Variants in ASAH2 observed in about 807,000 individuals in gnomAD.
ASAH2 encodes the protein neutral ceramidase.
ASAH2 carries 58 observed loss-of-function variants against 82.9 expected under a neutral mutation model. That is an observed-to-expected ratio of 0.70 (90% CI 0.57 to 0.87). The LOEUF is 0.87. Among genes scored for constraint, ASAH2 ranks in the 40% least tolerant of loss-of-function variants. The pLI is 0.00. For missense variants in ASAH2, 779 were observed against 834.0 expected (o/e 0.93, Z 0.81); for synonymous variants, 276 against 289.7 (o/e 0.95, Z 0.48).
intron 1 of ASAH2, among the ~76,000 whole-genome samples, chr10:50,250,073 T>G (rs1846576608): frequency 6.6e-6 from 1 of 152,346 alleles, no homozygotes; most frequent in South Asian, 2.1e-4. Context: ...AAATTTCAAA[T>G]TATCTCCTAA....
chr10:50,248,771 T>C (rs1302609775), intron 1 of ASAH2, among the ~76,000 whole-genome samples, 125 bp from the exon 2 acceptor site: 2 of 152,200 alleles, frequency 1.3e-5, no homozygotes, highest in East Asian at 3.8e-4. Flanking sequence ...TTACCACTCA[T>C]TCCATAGACC....
At chr10:50,235,672 T>G (rs1379125645) in intron 5 of ASAH2, among the ~76,000 whole-genome samples, 1 of 152,136 alleles carries the variant, frequency 6.6e-6, no homozygotes, top group African/African-American at 2.4e-5. Flanking sequence ...CTTAGTCCCA[T>G]AGAAGCCTTC....
At chr10:50,215,328 C>A (rs1211034324) in intron 8 of ASAH2, among the ~76,000 whole-genome samples, 2 of 144,752 alleles carry the variant, frequency 1.4e-5, no homozygotes, top group Non-Finnish European at 3.0e-5. Context: ...ATAGGGGATC[C>A]TTTGTTGCTA....
At chr10:50,249,344 A>G (rs1287541682) in intron 1 of ASAH2, among the ~76,000 whole-genome samples, 1 of 152,248 alleles carries the variant, frequency 6.6e-6, no homozygotes, top group African/African-American at 2.4e-5. Context: ...TATGTTCTAC[A>G]AAAGTATCAA....
chr10:50,202,965 C>T, intron 15 of ASAH2, 41 bp from the exon 16 acceptor site: 1 of 1,224,042 alleles, frequency 8.2e-7, no homozygotes, highest in Non-Finnish European at 1.2e-6. Flanking sequence ...TACTCTTCAT[C>T]TTTACGTATA....
chr10:50,245,185 T>G (rs1340204353), intron 3 of ASAH2, 37 bp downstream of exon 3: 3 of 1,478,536 alleles, frequency 2.0e-6, no homozygotes, highest in Non-Finnish European at 2.8e-6. Context: ...AAATTACTTG[T>G]TTCACAGTCT....
At chr10:50,247,323 ATTTT>A (rs34724803) in intron 2 of ASAH2, among the ~76,000 whole-genome samples, 4 of 148,006 alleles carry the variant, frequency 2.7e-5, no homozygotes, top group Non-Finnish European at 3.0e-5. Flanking sequence ...ACAAACAGCT[ATTTT>A]TTTTTTTTTT....
intron 7 of ASAH2, among the ~76,000 whole-genome samples, chr10:50,224,110 G>T (rs1021804495): frequency 1.4e-4 from 21 of 152,268 alleles, no homozygotes; most frequent in Non-Finnish European, 2.4e-4. Flanking sequence ...GAAAATACCA[G>T]CTCTGGGGTC....
chr10:50,239,867 T>C (rs1405427148), intron 4 of ASAH2, among the ~76,000 whole-genome samples: 1 of 140,948 alleles, frequency 7.1e-6, no homozygotes, highest in African/African-American at 2.5e-5. Context: ...TCTCACTCTG[T>C]CACCTATGCT....
chr10:50,237,411 T>A (rs1846189725), intron 4 of ASAH2, among the ~76,000 whole-genome samples: 1 of 152,208 alleles, frequency 6.6e-6, no homozygotes, highest in Non-Finnish European at 1.5e-5. Flanking sequence ...CTAGCCAGCA[T>A]CTGAGTGCCA....
At chr10:50,201,842 G>T (rs1196635429) in intron 16 of ASAH2, among the ~76,000 whole-genome samples, 1 of 152,122 alleles carries the variant, frequency 6.6e-6, no homozygotes, top group Non-Finnish European at 1.5e-5. Flanking sequence ...AGATATATCT[G>T]TGGATCTAAT....
chr10:50,230,004 C>T (rs1845984556), intron 7 of ASAH2, among the ~76,000 whole-genome samples: 2 of 152,070 alleles, frequency 1.3e-5, no homozygotes, highest in East Asian at 3.9e-4. Context: ...CAGTGTATCC[C>T]ATAATAATCT....
chr10:50,232,790 C>T (rs1401080811), intron 7 of ASAH2, among the ~76,000 whole-genome samples: 1 of 152,082 alleles, frequency 6.6e-6, no homozygotes, highest in African/African-American at 2.4e-5. Context: ...TAATCACTTT[C>T]CTGGTTGGTT....
At chr10:50,228,959 T>C (rs961306214) in intron 7 of ASAH2, among the ~76,000 whole-genome samples, 2 of 152,174 alleles carry the variant, frequency 1.3e-5, no homozygotes, top group African/African-American at 4.8e-5. Flanking sequence ...CCTTTTCAGT[T>C]GCAGCATCCT....
intron 14 of ASAH2, among the ~76,000 whole-genome samples, chr10:50,204,482 G>C (rs1173088128): frequency 6.6e-6 from 1 of 151,914 alleles, no homozygotes; most frequent in Admixed American, 6.6e-5. Flanking sequence ...CAGTTACTGA[G>C]ATAGGAAGAC....
intron 4 of ASAH2, among the ~76,000 whole-genome samples, chr10:50,237,929 C>T (rs1846200339): frequency 6.6e-6 from 1 of 152,004 alleles, no homozygotes. Flanking sequence ...CTATATGTAC[C>T]ATGTACACAC....
rs764873775 is a variant in ASAH2 at position 50,214,888 on chromosome 10, GT to G, written c.1015-21del. On this transcript the variant is annotated intron_variant, in intron 8 of 20. Coordinates refer to ENST00000682911, the MANE Select transcript of ASAH2 (RefSeq NM_019893.4). ...TGGCCCCTGCCAAAAGAAATGCCAA[GT>G]TGCCTTTTATTCTTTCCTATTTCCT... 1 of 1,613,030 alleles carries G rather than the reference GT, an allele frequency of 6.2e-7. No individual in the cohort carries two copies. The highest frequency in any genetic ancestry group is 8.5e-7 in the Non-Finnish European group (1 of 1,179,444).
Position 50,246,740 on chromosome 10 carries a change from A to G in ASAH2, c.128-1286T>C, listed in dbSNP as rs149933658. Among the ~76,000 whole-genome samples, 302 of 152,320 alleles carry G rather than the reference A, an allele frequency of 2.0e-3. 1 individual carries two copies. The highest frequency in any genetic ancestry group is 6.8e-3 in the Middle Eastern group (2 of 294). ...TTTCGACCAAATTCTAGGTGGAGTT[A>G]GCATCCATGTCTTCTCATTCCCAAG... On this transcript the variant is annotated intron_variant, in intron 2 of 20. Coordinates refer to ENST00000682911, the MANE Select transcript of ASAH2 (RefSeq NM_019893.4).
chr10:50,203,651 C>T lies in ASAH2; in HGVS notation c.1654G>A (p.Ala552Thr). 1 of 1,612,370 alleles carries T rather than the reference C, an allele frequency of 6.2e-7. No homozygotes were observed. ...TTMSGRRLRE[A>T]VQAEFASHGM... Reference sequence around the variant, plus strand: ...TATTTTTAACTTACTGCTTGAACTGCCTCTCGAAGTCTTCGTCCAGACATG... The same window carrying T: ...TATTTTTAACTTACTGCTTGAACTGTCTCTCGAAGTCTTCGTCCAGACATG... The change falls in exon 15 of 21, where the codon GCA (alanine) becomes ACA (threonine). Residue 552 changes from alanine (A) to threonine (T), a missense_variant. Physicochemically the swap from Ala to Thr is moderately conservative, Grantham distance 58. Transcript: ENST00000682911.
Sources: allele counts gnomAD v4.1 joint callset (sites outside exome capture counted in the v4.1 genomes callset), GRCh38; gene constraint gnomAD v4.1.1; transcripts MANE v1.5; gene names NCBI Gene and HGNC (gene_info 2026-07-23, HGNC 2026-07-21).